Variants in CLEC16A observed in about 807,000 individuals in gnomAD.
CLEC16A encodes the protein protein CLEC16A.
Under a neutral mutation model 109.5 loss-of-function variants are expected in CLEC16A, and 51 were observed. The ratio of observed to expected loss-of-function variants is 0.47; its 90% confidence interval spans 0.37 to 0.59. The LOEUF is 0.59. CLEC16A is among the 20% of genes least tolerant of loss of function. CLEC16A has a pLI of 0.00. For missense variants in CLEC16A, 1,339 were observed against 1,394.0 expected, an observed-to-expected ratio of 0.96 and a Z score of 0.63; for synonymous variants, 673 against 564.2, an observed-to-expected ratio of 1.19 and a Z score of -2.73.
intron 15 of CLEC16A, among the ~76,000 whole-genome samples, chr16:11,042,770 CTA>C (rs1176126241): frequency 6.6e-6 from 1 of 151,458 alleles, no homozygotes; most frequent in South Asian, 2.1e-4. Flanking sequence ...CTCTTATTTT[CTA>C]TGTTTATTTT....
chr16:11,157,358 A>G, intron 22 of CLEC16A: 1 of 464,346 alleles, frequency 2.2e-6, no homozygotes, highest in Non-Finnish European at 3.1e-6. Flanking sequence ...TGGGCTGGAC[A>G]GGAAGTGGCT....
intron 19 of CLEC16A, among the ~76,000 whole-genome samples, chr16:11,102,692 C>G (rs771940114): frequency 2.6e-5 from 4 of 152,242 alleles, no homozygotes; most frequent in Non-Finnish European, 4.4e-5. Flanking sequence ...AGTGGCCCCA[C>G]TGGGCATCAG....
intron 1 of CLEC16A, among the ~76,000 whole-genome samples, chr16:10,956,380 T>C (rs1025989994): frequency 2.5e-4 from 38 of 152,248 alleles, no homozygotes; most frequent in Non-Finnish European, 5.6e-4. Flanking sequence ...TTAGAGATTG[T>C]AGATGGGACA....
intron 17 of CLEC16A, among the ~76,000 whole-genome samples, chr16:11,050,298 G>T (rs1019976150): frequency 6.6e-6 from 1 of 152,190 alleles, no homozygotes; most frequent in Non-Finnish European, 1.5e-5. Context: ...CTGTCACACT[G>T]GGGATTAAGT....
chr16:11,134,290 A>T (rs914476184), intron 22 of CLEC16A, among the ~76,000 whole-genome samples: 2 of 150,216 alleles, frequency 1.3e-5, no homozygotes, highest in African/African-American at 2.5e-5. Flanking sequence ...AGCATATTTT[A>T]GACAGAAAAA....
chr16:11,153,848 C>A (rs2054394451), intron 22 of CLEC16A, among the ~76,000 whole-genome samples: 1 of 152,040 alleles, frequency 6.6e-6, no homozygotes, highest in African/African-American at 2.4e-5. Flanking sequence ...TAATGTTGGA[C>A]ACATTAGCTC....
chr16:11,165,475 G>A (rs534855474), intron 22 of CLEC16A, among the ~76,000 whole-genome samples: 2 of 152,300 alleles, frequency 1.3e-5, no homozygotes, highest in African/African-American at 4.8e-5. Flanking sequence ...CTGGGCAACA[G>A]AGTGAAACCC....
In CLEC16A at chr16:10,991,124, CA is replaced by C. The variant is rs376202002; in HGVS notation, c.1071+8134del. On this transcript the variant is annotated intron_variant, in intron 10 of 23. Coordinates refer to ENST00000409790, the MANE Select transcript of CLEC16A (RefSeq NM_015226.3). Reference sequence around the variant, plus strand: ...AGAGGAACAATAAAGCAAATAGTAACATCAGGGCACGTTAGATGTGAGAAGC... The same window carrying C: ...AGAGGAACAATAAAGCAAATAGTAACTCAGGGCACGTTAGATGTGAGAAGC... 6.3e-3 allele frequency among the ~76,000 whole-genome samples: 958 copies of C among 152,190 alleles called. 5 individuals carry two copies. The highest frequency in any genetic ancestry group is 0.012 in the Non-Finnish European group (783 of 68,016).
Position 10,982,960 on chromosome 16 carries a change from C to G in CLEC16A, c.1040C>G (p.Ala347Gly), listed in dbSNP as rs200879399. 2 of 1,610,814 alleles carry G rather than the reference C, an allele frequency of 1.2e-6. No individual in the cohort carries two copies. Among genetic ancestry groups the G allele is most frequent in the African/African-American group, 1.3e-5 (1 of 74,858 alleles). ...ILNGDLSEMY[A>G]KTEQDIQRSS... is the part of the protein sequence containing the mutation. ...AATGGTGATCTGTCTGAGATGTACG[C>G]TAAGACTGAACAGGATATTCAGAGA... The change falls in exon 10 of 24, where the codon GCT (alanine) becomes GGT (glycine). Residue 347 changes from alanine (A) to glycine (G), a missense_variant. Transcript: ENST00000409790.
At chr16:11,092,694 G>A (rs776461157) in intron 19 of CLEC16A, among the ~76,000 whole-genome samples, 4 of 152,004 alleles carry the variant, frequency 2.6e-5, no homozygotes, top group East Asian at 1.9e-4. Flanking sequence ...CCTTTTGTTC[G>A]TGGCACAATG....
chr16:10,959,014 GGTGTGTGTGT>G (rs59658260), intron 2 of CLEC16A, among the ~76,000 whole-genome samples: 80 of 146,294 alleles, frequency 5.5e-4, no homozygotes, highest in Middle Eastern at 3.5e-3. Flanking sequence ...ACTAAACACG[GGTGTGTGTGT>G]GTGTGTGTGT....
intron 19 of CLEC16A, chr16:11,070,775 C>T (rs2049028603): frequency 6.6e-6 from 1 of 152,302 alleles, no homozygotes; most frequent in African/African-American, 2.4e-5. Flanking sequence ...GTACCCACCT[C>T]AGAGTCTTTG....
intron 5 of CLEC16A, among the ~76,000 whole-genome samples, chr16:10,971,845 G>A (rs904868267): frequency 3.3e-5 from 5 of 152,230 alleles, no homozygotes; most frequent in African/African-American, 1.2e-4. Context: ...ATGCTTGGAA[G>A]TTCTCTGCCT....
chr16:11,172,130 A>G (rs2068544471), intron 23 of CLEC16A, among the ~76,000 whole-genome samples: 1 of 151,926 alleles, frequency 6.6e-6, no homozygotes, highest in Non-Finnish European at 1.5e-5. Flanking sequence ...ACACACATAC[A>G]CAGTCACACA....
At chr16:11,034,079 G>A (rs2046892206) in intron 13 of CLEC16A, among the ~76,000 whole-genome samples, 2 of 152,208 alleles carry the variant, frequency 1.3e-5, no homozygotes, top group African/African-American at 4.8e-5. Flanking sequence ...TTGTTTTGCT[G>A]AGAAGTTAAT....
chr16:11,170,636 G>A (rs1327156865), intron 23 of CLEC16A, among the ~76,000 whole-genome samples: 2 of 152,126 alleles, frequency 1.3e-5, no homozygotes, highest in African/African-American at 2.4e-5. Flanking sequence ...CAACCTCTTA[G>A]TGGCTCATCT....
intron 22 of CLEC16A, among the ~76,000 whole-genome samples, chr16:11,141,634 G>A (rs1482541323): frequency 5.9e-5 from 9 of 152,248 alleles, no homozygotes; most frequent in East Asian, 3.8e-4. Context: ...TGCACGTACC[G>A]TGTGGGAAGT....
At chr16:11,138,645 C>A (rs76139692) in intron 22 of CLEC16A, among the ~76,000 whole-genome samples, 6,440 of 152,314 alleles carry the variant, frequency 0.042, 451 homozygotes, top group African/African-American at 0.15. Flanking sequence ...CCTTACCTTT[C>A]TCTGGCCATT....
intron 19 of CLEC16A, among the ~76,000 whole-genome samples, chr16:11,113,641 A>C (rs1292079674): frequency 2.6e-5 from 4 of 152,208 alleles, no homozygotes; most frequent in Non-Finnish European, 4.4e-5. Flanking sequence ...CCTGGGTGAC[A>C]GAGTGAGACC....
Sources: allele counts gnomAD v4.1 joint callset (sites outside exome capture counted in the v4.1 genomes callset), GRCh38; gene constraint gnomAD v4.1.1; transcripts MANE v1.5; gene names NCBI Gene and HGNC (gene_info 2026-07-23, HGNC 2026-07-21).